Variants in RIMS2 observed in about 807,000 individuals in gnomAD.
RIMS2 encodes regulating synaptic membrane exocytosis protein 2.
In RIMS2, 59 loss-of-function variants were observed where a neutral mutation model predicts 174.4. The observed-to-expected ratio is 0.34, with a 90% confidence interval of 0.27 to 0.42. The LOEUF is 0.42. Among genes scored for constraint, RIMS2 ranks in the 10% least tolerant of loss-of-function variants. The pLI, the probability that RIMS2 is intolerant of heterozygous loss-of-function variation, is 1.00. For synonymous variants in RIMS2, 606 were observed against 572.5 expected (o/e 1.06, Z -0.84); for missense variants, 1,620 against 1,666.3 (o/e 0.97, Z 0.48).
At chr8:103,811,099 A>G (rs189611153) in intron 3 of RIMS2, among the ~76,000 whole-genome samples, 120 of 152,294 alleles carry the variant, frequency 7.9e-4, no homozygotes, top group African/African-American at 2.6e-3. Flanking sequence ...GGCTATAAAC[A>G]TTCCTTATAT....
chr8:103,526,203 G>A (rs1054388158), intron 1 of RIMS2, among the ~76,000 whole-genome samples: 1 of 152,192 alleles, frequency 6.6e-6, no homozygotes, highest in Admixed American at 6.5e-5. Context: ...TGATTCCTTA[G>A]GAGTAAGGAT....
intron 19 of RIMS2, among the ~76,000 whole-genome samples, chr8:104,018,243 G>A (rs1482801857): frequency 1.3e-5 from 2 of 152,180 alleles, no homozygotes; most frequent in Non-Finnish European, 2.9e-5. Context: ...TGGAAGAGCA[G>A]GGGGAAGAAA....
At chr8:103,866,928 T>C (rs1374875201) in intron 3 of RIMS2, among the ~76,000 whole-genome samples, 1 of 152,020 alleles carries the variant, frequency 6.6e-6, no homozygotes, top group East Asian at 1.9e-4. Flanking sequence ...TAGGTTCATA[T>C]AGGATGAATA....
At chr8:104,115,597 C>T (rs1484409699) in intron 19 of RIMS2, among the ~76,000 whole-genome samples, 2 of 152,114 alleles carry the variant, frequency 1.3e-5, no homozygotes, top group East Asian at 3.9e-4. Flanking sequence ...AGGCAACTTT[C>T]ACAGAATTTT....
rs1225667834 is a variant in RIMS2 at position 103,869,144 on chromosome 8, G to T, written c.699-16154G>T. 2.0e-5 allele frequency among the ~76,000 whole-genome samples: 3 copies of T among 151,528 alleles called. No individual in the cohort carries two copies. In the East Asian group the frequency reaches 5.8e-4, roughly 29 times the overall value. The stretch of plus-strand genomic sequence containing the variant: ...CATAAGAACATAAGCCTTGGAGGGA[G>T]CCTGAAGAGCTACTGTTGATGTCCA... On this transcript the variant is annotated intron_variant, in intron 3 of 23. Coordinates refer to ENST00000504942, the Ensembl canonical transcript of RIMS2.
chr8:103,878,741 C>G (rs547450407), intron 3 of RIMS2, among the ~76,000 whole-genome samples: 1 of 150,558 alleles, frequency 6.6e-6, no homozygotes, highest in African/African-American at 2.4e-5. Context: ...CTGATTCAAT[C>G]TCACTACTCA....
intron 1 of RIMS2, 78 bp from the exon 4 acceptor site, chr8:103,697,006 CTG>C (rs2097111746): frequency 1.3e-6 from 1 of 786,234 alleles, no homozygotes. Flanking sequence ...GGTTATAAAA[CTG>C]TGTCTATAAA....
exon 2 of RIMS2, chr8:103,697,249 A>C: frequency 6.2e-7 from 1 of 1,613,810 alleles, no homozygotes. Flanking sequence ...TTGCCAAACA[A>C]AGTTCTGTGC....
chr8:103,955,451 C>T (rs2086836425), intron 14 of RIMS2, among the ~76,000 whole-genome samples: 1 of 152,124 alleles, frequency 6.6e-6, no homozygotes, highest in Non-Finnish European at 1.5e-5. Context: ...TCAACATACC[C>T]ATATCAATAA....
At chr8:103,992,274 ATTTTTTTTTT>A in intron 17 of RIMS2, among the ~76,000 whole-genome samples, 2 of 107,072 alleles carry the variant, frequency 1.9e-5, no homozygotes, top group South Asian at 3.5e-4. Flanking sequence ...ATGTCCAGCT[ATTTTTTTTTT>A]TTTTTTTTTT....
At chr8:103,562,996 A>C (rs913558329) in intron 1 of RIMS2, among the ~76,000 whole-genome samples, 1 of 152,190 alleles carries the variant, frequency 6.6e-6, no homozygotes, top group East Asian at 1.9e-4. Context: ...CAGGGCACCA[A>C]GTCCCTTGAC....
intron 1 of RIMS2, among the ~76,000 whole-genome samples, chr8:103,590,939 A>C (rs901608395): frequency 6.6e-6 from 1 of 150,806 alleles, no homozygotes; most frequent in Non-Finnish European, 1.5e-5. Flanking sequence ...GGGCAGGTTT[A>C]TGTTTATTTT....
intron 1 of RIMS2, among the ~76,000 whole-genome samples, chr8:103,617,615 C>T (rs117174950): frequency 0.054 from 8,214 of 152,086 alleles, 312 homozygotes; most frequent in Non-Finnish European, 0.078. Context: ...GTGCATCTGA[C>T]GAAGTCTAAT....
intron 19 of RIMS2, among the ~76,000 whole-genome samples, chr8:104,051,368 A>G (rs2096782656): frequency 6.6e-6 from 1 of 152,192 alleles, no homozygotes; most frequent in Non-Finnish European, 1.5e-5. Context: ...TTTGATTAAT[A>G]CATTATGTTG....
intron 19 of RIMS2, among the ~76,000 whole-genome samples, chr8:104,118,391 G>C (rs1432213066): frequency 1.8e-5 from 2 of 112,036 alleles, no homozygotes; most frequent in South Asian, 6.3e-4. Context: ...TTTTGAGACA[G>C]GGTCTTGTTC....
chr8:103,988,165 A>G (rs2094477607), intron 16 of RIMS2, among the ~76,000 whole-genome samples: 1 of 152,256 alleles, frequency 6.6e-6, no homozygotes, highest in African/African-American at 2.4e-5. Context: ...TGGAACTTGA[A>G]TAACAGCAGC....
chr8:103,833,170 C>T (rs970705379), intron 3 of RIMS2, among the ~76,000 whole-genome samples: 12 of 152,084 alleles, frequency 7.9e-5, no homozygotes, highest in African/African-American at 2.9e-4. Context: ...ATTTACGTTT[C>T]TGTAGTTTAA....
At chr8:103,916,311 T>C (rs892726147) in intron 7 of RIMS2, 103 bp from the exon 11 acceptor site, 2 of 778,894 alleles carry the variant, frequency 2.6e-6, no homozygotes, top group African/African-American at 1.8e-5. Flanking sequence ...TGTATAATGG[T>C]TATTTTATCC....
chr8:103,852,823 G>A (rs1468714623), intron 3 of RIMS2, among the ~76,000 whole-genome samples: 1 of 151,974 alleles, frequency 6.6e-6, no homozygotes, highest in Admixed American at 6.6e-5. Flanking sequence ...GGCAATGGTT[G>A]ATTCTCTGTC....
Sources: gnomAD v4.1 joint callset for allele counts (sites outside exome capture counted in the v4.1 genomes callset) on GRCh38, gnomAD v4.1.1 for gene constraint, MANE v1.5 for transcripts, NCBI Gene and HGNC (gene_info 2026-07-23, HGNC 2026-07-21) for gene names.